Variants in GRIA4 observed in about 807,000 individuals in gnomAD.
GRIA4 encodes glutamate ionotropic receptor AMPA type subunit 4.
A neutral mutation model predicts 104.0 loss-of-function variants in GRIA4; 34 were observed. The observed-to-expected ratio is 0.33, with a 90% confidence interval of 0.25 to 0.44. The LOEUF is 0.44. Ranked by LOEUF, GRIA4 falls within the 20% of genes least tolerant of loss-of-function variation. The pLI, the probability that GRIA4 is intolerant of heterozygous loss-of-function variation, is 1.00. For missense variants in GRIA4, 750 were observed against 1,096.5 expected, an observed-to-expected ratio of 0.68 and a Z score of 4.46; for synonymous variants, 386 against 381.9, an observed-to-expected ratio of 1.01 and a Z score of -0.13.
chr11:105,837,148 T>G (rs529568947), intron 4 of GRIA4, among the ~76,000 whole-genome samples: 1 of 152,160 alleles, frequency 6.6e-6, no homozygotes, highest in Admixed American at 6.5e-5. Context: ...CATTAGAACT[T>G]ACTCACTATG....
At chr11:105,632,249 T>C (rs1012878790) in intron 3 of GRIA4, among the ~76,000 whole-genome samples, 17 of 152,210 alleles carry the variant, frequency 1.1e-4, no homozygotes, top group Admixed American at 1.0e-3. Context: ...TCTCTTATAA[T>C]TTCTTACTGT....
rs185166364 is a variant in GRIA4, at chr11:105,728,870, T to C, written c.248-24111T>C. Among the ~76,000 whole-genome samples, 16 of 152,268 alleles carry C rather than the reference T, an allele frequency of 1.1e-4. 1 individual carries two copies. In the East Asian group the frequency reaches 2.7e-3, roughly 26 times the overall value. ...CTAAAGCAGTGTTTAGAGGAAAATT[T>C]ATAGCACTAAAATGGCCACAGGAGA... On this transcript the variant is annotated intron_variant, in intron 3 of 16. Coordinates refer to ENST00000282499, the MANE Select transcript of GRIA4 (RefSeq NM_000829.4).
At chr11:105,889,134 A>G (rs939765592) in intron 6 of GRIA4, among the ~76,000 whole-genome samples, 1 of 152,188 alleles carries the variant, frequency 6.6e-6, no homozygotes. Flanking sequence ...GTAGATTATC[A>G]TTCCAGAAAT....
In GRIA4 at chr11:105,980,888, C is replaced by T. The variant is rs594592; in HGVS notation, c.*1149C>T. ...ATCTTTGACTCATTAACAGATTAAA[C>T]TGTCAAAGATGGAGTCTTTGAGTTG... is the stretch of plus-strand genomic sequence containing the variant. On this transcript the variant is annotated 3_prime_UTR_variant, in exon 17 of 17. Coordinates refer to ENST00000282499, the MANE Select transcript of GRIA4 (RefSeq NM_000829.4). 0.92 allele frequency: 140,352 copies of T among 152,662 alleles called. 64,592 individuals are homozygous for T. Among genetic ancestry groups the T allele is most frequent in the East Asian group, 0.97 (5,038 of 5,176 alleles). The allele number at this position is 152,662 out of a possible 1,614,324, so 9.5% of individuals were successfully genotyped here.
At chr11:105,750,815 T>C (rs924587339) in intron 3 of GRIA4, among the ~76,000 whole-genome samples, 2 of 152,050 alleles carry the variant, frequency 1.3e-5, no homozygotes, top group African/African-American at 2.4e-5. Flanking sequence ...TCCTGGATTT[T>C]TGTGAGGGTG....
At chr11:105,783,385 G>C (rs1941813054) in intron 4 of GRIA4, among the ~76,000 whole-genome samples, 2 of 152,210 alleles carry the variant, frequency 1.3e-5, no homozygotes, top group Admixed American at 1.3e-4. Flanking sequence ...GTCACTTTCA[G>C]TGTTAGCCCC....
intron 3 of GRIA4, among the ~76,000 whole-genome samples, chr11:105,633,681 C>T (rs1256119678): frequency 6.6e-6 from 1 of 152,130 alleles, no homozygotes; most frequent in Non-Finnish European, 1.5e-5. Flanking sequence ...ATCTCTAGAA[C>T]CACAGAAACA....
intron 5 of GRIA4, among the ~76,000 whole-genome samples, chr11:105,869,992 T>C (rs1945555850): frequency 6.6e-6 from 1 of 151,884 alleles, no homozygotes; most frequent in Non-Finnish European, 1.5e-5. Flanking sequence ...TGAAAGACAG[T>C]TTAAGATTGG....
intron 3 of GRIA4, among the ~76,000 whole-genome samples, chr11:105,655,581 G>T (rs576491383): frequency 6.6e-6 from 1 of 152,136 alleles, no homozygotes; most frequent in East Asian, 1.9e-4. Flanking sequence ...GACTTATGTG[G>T]TGTTTGGTTT....
intron 3 of GRIA4, among the ~76,000 whole-genome samples, chr11:105,679,717 C>T (rs564570682): frequency 6.4e-4 from 98 of 152,222 alleles, no homozygotes; most frequent in African/African-American, 2.3e-3. Flanking sequence ...TACACACACA[C>T]GAACATATTT....
chr11:105,849,964 A>G (rs944747798), intron 4 of GRIA4, among the ~76,000 whole-genome samples: 10 of 152,196 alleles, frequency 6.6e-5, no homozygotes, highest in African/African-American at 2.4e-4. Flanking sequence ...TTTTAGAGGT[A>G]TGATACCAGT....
At chr11:105,813,112 A>AAAAAAC (rs1565256572) in intron 4 of GRIA4, among the ~76,000 whole-genome samples, 2 of 145,260 alleles carry the variant, frequency 1.4e-5, no homozygotes, top group African/African-American at 2.5e-5. Context: ...AAAAAAAAAA[A>AAAAAAC]AAAGAAGAAA....
At chr11:105,871,780 A>G (rs1472369665) in intron 5 of GRIA4, among the ~76,000 whole-genome samples, 1 of 152,080 alleles carries the variant, frequency 6.6e-6, no homozygotes, top group African/African-American at 2.4e-5. Flanking sequence ...AATTTAAAAC[A>G]TGCAAATGTA....
chr11:105,912,794 T>A (rs376918394), intron 10 of GRIA4: 1 of 983,292 alleles, frequency 1.0e-6, no homozygotes. Context: ...CCAGGACCTA[T>A]GATATCCCTC....
chr11:105,689,291 G>A (rs977350245), intron 3 of GRIA4, among the ~76,000 whole-genome samples: 15 of 152,228 alleles, frequency 9.9e-5, no homozygotes, highest in Admixed American at 1.3e-4. Context: ...TCACTTAAGA[G>A]ATAATGAAAA....
rs145089725 is a variant in GRIA4 at position 105,740,849 on chromosome 11, G to T, written c.248-12132G>T. ...GGGAGAGTTTGGCTATGGTTAGTAA[G>T]CGGTGCAGTGTTAGGTGAGTTTAGT... On this transcript the variant is annotated intron_variant, in intron 3 of 16. Transcript: ENST00000282499. Among the ~76,000 whole-genome samples, 3 of 152,296 alleles carry T rather than the reference G, an allele frequency of 2.0e-5. No homozygotes were observed. In the East Asian group the frequency reaches 5.8e-4, roughly 29 times the overall value.
chr11:105,807,559 C>T (rs1386316120), intron 4 of GRIA4, among the ~76,000 whole-genome samples: 1 of 151,912 alleles, frequency 6.6e-6, no homozygotes, highest in Admixed American at 6.6e-5. Context: ...CCTTGCAGAA[C>T]TAGCTGTCTT....
At chr11:105,879,334 C>T (rs1018640590) in intron 5 of GRIA4, among the ~76,000 whole-genome samples, 1 of 152,304 alleles carries the variant, frequency 6.6e-6, no homozygotes, top group Non-Finnish European at 1.5e-5. Flanking sequence ...TGTTCCTATT[C>T]GGCCATCTTG....
At chr11:105,939,509 C>G (rs1228435582) in intron 14 of GRIA4, among the ~76,000 whole-genome samples, 1 of 152,146 alleles carries the variant, frequency 6.6e-6, no homozygotes, top group Non-Finnish European at 1.5e-5. Context: ...GCCTTGATTT[C>G]CTCATTCTAA....
Sources: allele counts gnomAD v4.1 joint callset (sites outside exome capture counted in the v4.1 genomes callset), GRCh38; gene constraint gnomAD v4.1.1; transcripts MANE v1.5; gene names NCBI Gene and HGNC (gene_info 2026-07-23, HGNC 2026-07-21).